Variants in SEMA6D observed in about 807,000 individuals in gnomAD.
SEMA6D encodes semaphorin 6D.
Under a neutral mutation model 106.6 loss-of-function variants are expected in SEMA6D, and 35 were observed. That is an observed-to-expected ratio of 0.33 (90% CI 0.25 to 0.44). The LOEUF is 0.44. SEMA6D is among the 20% of genes least tolerant of loss of function. The pLI is 1.00. For synonymous variants in SEMA6D, 499 were observed against 487.7 expected (o/e 1.02, Z -0.31); for missense variants, 1,185 against 1,345.9 (o/e 0.88, Z 1.87).
At chr15:47,317,477 T>G (rs1370411039) in intron 1 of SEMA6D, among the ~76,000 whole-genome samples, 1 of 152,208 alleles carries the variant, frequency 6.6e-6, no homozygotes, top group Non-Finnish European at 1.5e-5. Context: ...TTTATGTAGA[T>G]TCACATTTTC....
At chr15:47,460,701 A>C (rs2042480815) in intron 2 of SEMA6D, among the ~76,000 whole-genome samples, 1 of 152,074 alleles carries the variant, frequency 6.6e-6, no homozygotes, top group Admixed American at 6.6e-5. Flanking sequence ...ATATTGCAAA[A>C]ATTTCCTAAT....
At position 47,255,936 on chromosome 15, in the gene SEMA6D, A is replaced by G. The variant is rs1349103161; in HGVS notation, c.-239+71518A>G. Among the ~76,000 whole-genome samples the G allele has an allele frequency of 1.3e-5, 2 of 152,166 alleles. 1 individual carries two copies. The highest frequency in any genetic ancestry group is 1.3e-4 in the Admixed American group (2 of 15,278). ...TGGATATCCAGTTGCTCCAGCAGCC[A>G]TTTATTGAAAAGGCTATCTTTGCTC... is the stretch of plus-strand genomic sequence containing the variant. On this transcript the variant is annotated intron_variant, in intron 1 of 19. Coordinates refer to the SEMA6D transcript ENST00000558014.
intron 4 of SEMA6D, among the ~76,000 whole-genome samples, chr15:47,688,844 A>C (rs1461699283): frequency 1.3e-5 from 2 of 152,144 alleles, no homozygotes; most frequent in African/African-American, 2.4e-5. Context: ...AATATATCTC[A>C]GTTATGTAAA....
chr15:47,738,685 G>A (rs1309138924), intron 1 of SEMA6D, among the ~76,000 whole-genome samples: 1 of 152,216 alleles, frequency 6.6e-6, no homozygotes, highest in Non-Finnish European at 1.5e-5. Context: ...TAAAGCGAGT[G>A]CTGAGGGGAT....
chr15:47,666,127 G>A (rs2078022226), intron 4 of SEMA6D, among the ~76,000 whole-genome samples: 1 of 152,302 alleles, frequency 6.6e-6, no homozygotes, highest in African/African-American at 2.4e-5. Flanking sequence ...TTAGCCAGCT[G>A]TTAAAGGAAA....
At chr15:47,658,606 G>A (rs930112945) in intron 4 of SEMA6D, among the ~76,000 whole-genome samples, 84 of 152,260 alleles carry the variant, frequency 5.5e-4, no homozygotes, top group African/African-American at 1.8e-3. Flanking sequence ...CAATTTTGGT[G>A]TTGGACTGCG....
At chr15:47,645,050 G>C (rs1250328107) in intron 4 of SEMA6D, among the ~76,000 whole-genome samples, 1 of 152,168 alleles carries the variant, frequency 6.6e-6, no homozygotes, top group African/African-American at 2.4e-5. Context: ...ATCCACTCTG[G>C]TGAAGATATT....
At position 47,709,880 on chromosome 15, in the gene SEMA6D, C is replaced by CAA. The variant is rs199899821; in HGVS notation, c.-54-49852_-54-49851dup. 4.1e-3 allele frequency among the ~76,000 whole-genome samples: 515 copies of CAA among 127,030 alleles called. 4 individuals carry two copies. The highest frequency in any genetic ancestry group is 0.013 in the African/African-American group (450 of 35,376). The allele number at this position is 127,030 out of a possible 152,430, so 83.3% of individuals were successfully genotyped here. A position where few individuals can be genotyped will look rare whatever the true frequency, so the allele number is the denominator to read the frequency against. ...TTTTCTTCTTCAACATAAAAACTGG[C>CAA]AAAAAAAAAAAAAAGTCAAAAGCAA... On this transcript the variant is annotated intron_variant, in intron 4 of 19. Transcript: ENST00000558014.
intron 1 of SEMA6D, among the ~76,000 whole-genome samples, chr15:47,408,832 G>A (rs909072090): frequency 1.3e-5 from 2 of 152,224 alleles, no homozygotes; most frequent in East Asian, 3.9e-4. Context: ...GGAAGCATGA[G>A]CCTCTGTCTT....
intron 4 of SEMA6D, among the ~76,000 whole-genome samples, chr15:47,616,080 A>G (rs2077000718): frequency 6.6e-6 from 1 of 152,164 alleles, no homozygotes; most frequent in Admixed American, 6.5e-5. Flanking sequence ...AAGTATGATT[A>G]CGTCTTATTT....
intron 1 of SEMA6D, among the ~76,000 whole-genome samples, chr15:47,285,581 C>G (rs1830476948): frequency 6.6e-6 from 1 of 152,094 alleles, no homozygotes; most frequent in South Asian, 2.1e-4. Flanking sequence ...TCATCTGCAT[C>G]CAGTCTGCTA....
chr15:47,575,482 G>A (rs2076140707), intron 3 of SEMA6D, among the ~76,000 whole-genome samples: 1 of 152,146 alleles, frequency 6.6e-6, no homozygotes, highest in South Asian at 2.1e-4. Flanking sequence ...CACTTTGGGA[G>A]GGTGAGGTGG....
At chr15:47,456,112 G>A (rs938751527) in intron 2 of SEMA6D, among the ~76,000 whole-genome samples, 1 of 151,864 alleles carries the variant, frequency 6.6e-6, no homozygotes, top group Non-Finnish European at 1.5e-5. Flanking sequence ...GGAGCTTACT[G>A]ACAATTAGGA....
At chr15:47,418,446 C>T (rs1159001487) in intron 2 of SEMA6D, among the ~76,000 whole-genome samples, 2 of 152,056 alleles carry the variant, frequency 1.3e-5, no homozygotes, top group Non-Finnish European at 1.5e-5. Flanking sequence ...AATTCAGTGT[C>T]TGGTGAGGGC....
At chr15:47,226,290 T>C (rs1051716244) in intron 1 of SEMA6D, among the ~76,000 whole-genome samples, 2 of 152,094 alleles carry the variant, frequency 1.3e-5, no homozygotes, top group African/African-American at 4.8e-5. Context: ...GATCTCAGAT[T>C]TCTAGCCTCT....
rs116151732 is a variant in SEMA6D at position 47,405,628 on chromosome 15, C to G, written c.-238-6765C>G. Among the ~76,000 whole-genome samples, 7 of 152,282 alleles carry G rather than the reference C, an allele frequency of 4.6e-5. No individual in the cohort carries two copies. The East Asian group carries it at 1.4e-3, about 29-fold the overall frequency. On this transcript the variant is annotated intron_variant, in intron 1 of 19. Coordinates refer to the SEMA6D transcript ENST00000558014. Reference sequence around the variant, plus strand: ...TTGACACCTAGACAGTTCTTGCTTCCTTTGTTTTCTGCTTCTCGTGTTGCC... The same window carrying G: ...TTGACACCTAGACAGTTCTTGCTTCGTTTGTTTTCTGCTTCTCGTGTTGCC...
chr15:47,282,691 A>C (rs994756252), intron 1 of SEMA6D, among the ~76,000 whole-genome samples: 1 of 152,168 alleles, frequency 6.6e-6, no homozygotes, highest in Non-Finnish European at 1.5e-5. Flanking sequence ...AGGTGATAGC[A>C]CATTTGAGGG....
chr15:47,462,070 A>G (rs1038366001), intron 2 of SEMA6D, among the ~76,000 whole-genome samples: 15 of 152,098 alleles, frequency 9.9e-5, no homozygotes, highest in Middle Eastern at 6.8e-3. Context: ...GATTCATTTC[A>G]AATCTTGGTA....
At chr15:47,261,731 G>A (rs986276692) in intron 1 of SEMA6D, among the ~76,000 whole-genome samples, 6 of 152,040 alleles carry the variant, frequency 3.9e-5, no homozygotes. Flanking sequence ...TTCTATGGAT[G>A]TGCCTATTTT....
Sources: allele counts gnomAD v4.1 joint callset (sites outside exome capture counted in the v4.1 genomes callset), GRCh38; gene constraint gnomAD v4.1.1; transcripts MANE v1.5; gene names NCBI Gene and HGNC (gene_info 2026-07-23, HGNC 2026-07-21).